Variants in SPIRE1 observed in about 807,000 individuals in gnomAD.
SPIRE1 encodes the protein protein spire homolog 1.
A neutral mutation model predicts 94.1 loss-of-function variants in SPIRE1; 40 were observed. That is an observed-to-expected ratio of 0.43 (90% CI 0.33 to 0.55). The LOEUF is 0.55. Among genes scored for constraint, SPIRE1 ranks in the 20% least tolerant of loss-of-function variants. The pLI is 0.06. For synonymous variants in SPIRE1, 376 were observed against 371.7 expected (o/e 1.01, Z -0.13); for missense variants, 838 against 975.2 (o/e 0.86, Z 1.87).
rs1016273856 is a variant in SPIRE1, at chr18:12,453,116, C to T, written c.1799G>A (p.Arg600Lys). Residue 600 changes from arginine to lysine, a missense_variant, in exon 14 of 17, where the codon AGG (arginine) becomes AAG (lysine). This residue lies in a region of SPIRE1 where 645 missense variants were observed against 804.7 expected (regional missense o/e 0.80). Transcript: ENST00000409402. ...KGKLCFCCRT[R>K]RFSFFTWSYT... is the part of the protein sequence containing the mutation. ...AGACCAAGTGAAGAAGGAAAACCTC[C>T]TGGTTCGGCAACAAAAGCAGAGCTA... 2 of 1,608,108 alleles carry T rather than the reference C, an allele frequency of 1.2e-6. No homozygotes were observed. Among genetic ancestry groups the T allele is most frequent in the Admixed American group, 1.7e-5 (1 of 58,328 alleles).
Position 12,554,584 on chromosome 18 carries a change from CCTT to C in SPIRE1, c.373-7683_373-7681del, listed in dbSNP as rs151101175. Among the ~76,000 whole-genome samples, 992 of 152,302 alleles carry C rather than the reference CCTT, an allele frequency of 6.5e-3. 5 individuals carry two copies. Among genetic ancestry groups the C allele is most frequent in the Middle Eastern group, 0.027 (8 of 294 alleles). On this transcript the variant is annotated intron_variant, in intron 2 of 16. Coordinates refer to ENST00000409402, the MANE Select transcript of SPIRE1 (RefSeq NM_001128626.2). ...CATTTAAAGAAGAACTAATACCAATCCTTCTCAAACTATTCTGAAAAATAGGAG... is the reference window on the plus strand; with the variant it reads ...CATTTAAAGAAGAACTAATACCAATCCTCAAACTATTCTGAAAAATAGGAG...
chr18:12,636,144 C>T (rs546975082), intron 1 of SPIRE1, among the ~76,000 whole-genome samples: 4 of 152,054 alleles, frequency 2.6e-5, no homozygotes, highest in South Asian at 2.1e-4. Flanking sequence ...CTGCCTGCCT[C>T]GGCCTCCCAA....
chr18:12,485,019 G>GTAC (rs1222802231), intron 9 of SPIRE1, among the ~76,000 whole-genome samples: 4 of 151,812 alleles, frequency 2.6e-5, no homozygotes, highest in Non-Finnish European at 5.9e-5. Flanking sequence ...CTGTTTAACA[G>GTAC]AAGGGTCTAA....
In SPIRE1 at chr18:12,499,957, T is replaced by C. The variant is rs1241625684; in HGVS notation, c.973-3855A>G. Among the ~76,000 whole-genome samples the C allele has an allele frequency of 2.0e-5, 3 of 152,122 alleles. No individual in the cohort carries two copies. The East Asian group carries it at 5.8e-4, about 29-fold the overall frequency. On this transcript the variant is annotated intron_variant, in intron 6 of 16. Coordinates refer to ENST00000409402, the MANE Select transcript of SPIRE1 (RefSeq NM_001128626.2). Reference sequence around the variant, plus strand: ...GTACAACACAGCCATAAAAAAAGAATGAAATCATGTCCTTTGCAGCAACAT... The same window carrying C: ...GTACAACACAGCCATAAAAAAAGAACGAAATCATGTCCTTTGCAGCAACAT...
At chr18:12,482,750 A>G (rs1209996820) in intron 9 of SPIRE1, among the ~76,000 whole-genome samples, 2 of 152,162 alleles carry the variant, frequency 1.3e-5, no homozygotes, top group Non-Finnish European at 2.9e-5. Flanking sequence ...ACCCTGTGCT[A>G]TGAGATTGAT....
intron 2 of SPIRE1, among the ~76,000 whole-genome samples, chr18:12,568,473 T>A (rs2035873266): frequency 6.6e-6 from 1 of 152,212 alleles, no homozygotes; most frequent in Non-Finnish European, 1.5e-5. Flanking sequence ...CTGTCCATCC[T>A]CTTGCTCTAA....
chr18:12,586,826 G>A (rs2036401675), intron 2 of SPIRE1, among the ~76,000 whole-genome samples: 1 of 152,132 alleles, frequency 6.6e-6, no homozygotes, highest in African/African-American at 2.4e-5. Flanking sequence ...TTTGCCTCCT[G>A]AGCCCCTGAA....
At chr18:12,480,122 C>G (rs920820751) in intron 9 of SPIRE1, among the ~76,000 whole-genome samples, 1 of 152,170 alleles carries the variant, frequency 6.6e-6, no homozygotes, top group African/African-American at 2.4e-5. Context: ...CTACAGATAA[C>G]TGACTCACAA....
chr18:12,532,566 C>A (rs73407511), intron 4 of SPIRE1, among the ~76,000 whole-genome samples: 2 of 152,118 alleles, frequency 1.3e-5, no homozygotes, highest in African/African-American at 4.8e-5. Flanking sequence ...AAAAATTCCA[C>A]TTGGTACACA....
At chr18:12,506,307 A>G (rs757802884) in intron 6 of SPIRE1, among the ~76,000 whole-genome samples, 170 bp downstream of exon 6, 47 of 152,060 alleles carry the variant, frequency 3.1e-4, no homozygotes, top group Non-Finnish European at 6.5e-4. Flanking sequence ...ACAGGTGTGC[A>G]CCACCACGCC....
At chr18:12,480,237 G>A (rs1336693791) in intron 9 of SPIRE1, among the ~76,000 whole-genome samples, 2 of 152,184 alleles carry the variant, frequency 1.3e-5, no homozygotes, top group Non-Finnish European at 2.9e-5. Context: ...CACACACAAA[G>A]CCTTACCAGA....
At chr18:12,472,199 T>C (rs1328404966) in intron 10 of SPIRE1, among the ~76,000 whole-genome samples, 2 of 152,090 alleles carry the variant, frequency 1.3e-5, no homozygotes, top group Non-Finnish European at 2.9e-5. Flanking sequence ...ATGCCTGTAA[T>C]CCTAGCACTT....
chr18:12,538,854 T>C (rs1028754940), intron 3 of SPIRE1, among the ~76,000 whole-genome samples: 12 of 152,150 alleles, frequency 7.9e-5, no homozygotes, highest in Admixed American at 7.9e-4. Context: ...ACCACTCATA[T>C]CCAATCCATC....
chr18:12,630,802 G>A (rs1256448193), intron 2 of SPIRE1, among the ~76,000 whole-genome samples: 1 of 152,202 alleles, frequency 6.6e-6, no homozygotes, highest in African/African-American at 2.4e-5. Flanking sequence ...AGGCTGAACA[G>A]GCTGCCCCAG....
At chr18:12,613,140 T>A (rs577410530) in intron 2 of SPIRE1, among the ~76,000 whole-genome samples, 1 of 152,204 alleles carries the variant, frequency 6.6e-6, no homozygotes, top group Non-Finnish European at 1.5e-5. Flanking sequence ...GGACACAGCA[T>A]GTGCGCAATA....
At chr18:12,506,699 C>G (rs947086839) in intron 5 of SPIRE1, 58 bp from the exon 6 acceptor site, 3 of 1,472,364 alleles carry the variant, frequency 2.0e-6, no homozygotes, top group Admixed American at 1.8e-5. Flanking sequence ...TTCTTCTAAA[C>G]AGCTAGTCAT....
chr18:12,561,662 G>A (rs112488230), intron 2 of SPIRE1, among the ~76,000 whole-genome samples: 2 of 152,078 alleles, frequency 1.3e-5, no homozygotes, highest in African/African-American at 4.8e-5. Flanking sequence ...AATCTTTAAG[G>A]TTAGCTGTGT....
intron 2 of SPIRE1, among the ~76,000 whole-genome samples, chr18:12,591,883 G>A (rs1404420924): frequency 6.7e-6 from 1 of 149,348 alleles, no homozygotes; most frequent in Non-Finnish European, 1.5e-5. Flanking sequence ...GCAGGAGAAT[G>A]GCGTGAACCT....
intron 10 of SPIRE1, among the ~76,000 whole-genome samples, chr18:12,476,253 T>A (rs1368040341): frequency 1.3e-5 from 2 of 152,136 alleles, no homozygotes; most frequent in African/African-American, 4.8e-5. Context: ...ATTTAGAAGT[T>A]TTCAGCTGGG....
Sources: gnomAD v4.1 joint callset for allele counts (sites outside exome capture counted in the v4.1 genomes callset) on GRCh38, gnomAD v4.1.1 for gene constraint, gnomAD v4.1.1 regional missense constraint, MANE v1.5 for transcripts, NCBI Gene and HGNC (gene_info 2026-07-23, HGNC 2026-07-21) for gene names.